The following FRMD4A variants were observed in gnomAD, a reference collection of about 807,000 sequenced individuals.
The protein encoded by FRMD4A is FERM domain containing 4A.
In FRMD4A, 29 loss-of-function variants were observed where a neutral mutation model predicts 129.1. The ratio of observed to expected loss-of-function variants is 0.22; its 90% CI spans 0.17 to 0.31. FRMD4A has a LOEUF of 0.31. Among genes scored for constraint, FRMD4A ranks in the 10% least tolerant of loss-of-function variants. The pLI is 1.00. For missense variants in FRMD4A, 1,272 were observed against 1,375.8 expected (o/e 0.92, Z 1.19); for synonymous variants, 634 against 571.6 (o/e 1.11, Z -1.56).
intron 17 of FRMD4A, 52 bp downstream of exon 17, chr10:13,670,354 G>A (rs2083415461): frequency 6.3e-7 from 1 of 1,589,116 alleles, no homozygotes. Context: ...CTGACCAATG[G>A]GAAAAACAAG....
chr10:13,867,748 AATATATAATATATAATATAATATG>A, intron 2 of FRMD4A, among the ~76,000 whole-genome samples: 2 of 25,240 alleles, frequency 7.9e-5, no homozygotes, highest in East Asian at 2.5e-3. Flanking sequence ...CATATAATAT[AATATATAATATATAATATAATATG>A]ATATATAATA....
chr10:13,698,404 C>A (rs2086443779), intron 14 of FRMD4A, among the ~76,000 whole-genome samples: 1 of 152,146 alleles, frequency 6.6e-6, no homozygotes, highest in African/African-American at 2.4e-5. Context: ...AGCTCTCTGT[C>A]CCAGCCCTGT....
chr10:13,648,702 C>T (rs939711063), intron 24 of FRMD4A: 1 of 152,188 alleles, frequency 6.6e-6, no homozygotes, highest in Non-Finnish European at 1.5e-5. Context: ...TCGGCTGGTA[C>T]ACGCTTTTGT....
intron 2 of FRMD4A, among the ~76,000 whole-genome samples, chr10:14,018,254 T>C (rs1213549341): frequency 3.3e-5 from 5 of 150,088 alleles, no homozygotes; most frequent in Non-Finnish European, 7.4e-5. Flanking sequence ...TAGACCATCC[T>C]GGCTAACATG....
chr10:13,658,156 A>AG (rs1589235605), intron 21 of FRMD4A, among the ~76,000 whole-genome samples: 8 of 148,860 alleles, frequency 5.4e-5, no homozygotes, highest in South Asian at 2.1e-4. Flanking sequence ...AAAAAAAAAA[A>AG]AGAAAACACA....
rs1354939996 is a variant in FRMD4A at position 14,330,826 on chromosome 10, G to A, written c.-311C>T. 2 of 398,704 alleles carry A rather than the reference G, an allele frequency of 5.0e-6. No individual in the cohort carries two copies. The highest frequency in any genetic ancestry group is 4.4e-5 in the Admixed American group (1 of 22,728). 24.7% of individuals were successfully genotyped at this position (398,704 alleles called of 1,614,324 possible). ...AAGTAGACTGGCCAGCTCAGCTCCC[G>A]GTAGGGCTAACATACTTAAGAGGAA... is the stretch of plus-strand genomic sequence containing the variant. On this transcript the variant is annotated 5_prime_UTR_variant, in exon 1 of 25. Coordinates refer to ENST00000357447, the MANE Select transcript of FRMD4A (RefSeq NM_018027.5).
intron 2 of FRMD4A, among the ~76,000 whole-genome samples, chr10:14,010,523 C>T (rs1438625721): frequency 1.3e-5 from 2 of 152,026 alleles, no homozygotes; most frequent in African/African-American, 4.8e-5. Context: ...GGAGCCCTCC[C>T]CAGTCCCCGC....
At chr10:14,160,527 T>G (rs1840830827) in intron 2 of FRMD4A, among the ~76,000 whole-genome samples, 1 of 152,158 alleles carries the variant, frequency 6.6e-6, no homozygotes, top group African/African-American at 2.4e-5. Flanking sequence ...AAAATGTTTG[T>G]AAACTATTCA....
chr10:13,774,249 G>T (rs953348505), intron 6 of FRMD4A, among the ~76,000 whole-genome samples: 2 of 152,198 alleles, frequency 1.3e-5, no homozygotes, highest in African/African-American at 2.4e-5. Context: ...ATTGTATAAA[G>T]TAGGGGGGTG....
At chr10:14,095,265 A>G (rs368368271) in intron 2 of FRMD4A, among the ~76,000 whole-genome samples, 1 of 152,156 alleles carries the variant, frequency 6.6e-6, no homozygotes, top group East Asian at 1.9e-4. Flanking sequence ...AGCTCTTCAG[A>G]GTAAATGTTT....
intron 2 of FRMD4A, among the ~76,000 whole-genome samples, chr10:14,112,840 T>C (rs964134481): frequency 6.6e-5 from 10 of 152,184 alleles, no homozygotes; most frequent in African/African-American, 2.2e-4. Context: ...GATTAAACTT[T>C]TTTTCTTTCC....
At chr10:13,943,153 T>C (rs930582493) in intron 2 of FRMD4A, among the ~76,000 whole-genome samples, 1 of 152,092 alleles carries the variant, frequency 6.6e-6, no homozygotes, top group African/African-American at 2.4e-5. Flanking sequence ...CGGCAAGATG[T>C]CCAGGACAAG....
chr10:14,042,465 C>T (rs1833816450), intron 2 of FRMD4A, among the ~76,000 whole-genome samples: 2 of 152,168 alleles, frequency 1.3e-5, no homozygotes, highest in South Asian at 2.1e-4. Context: ...GTTCAGTGTA[C>T]TCTTGTGGCA....
At position 13,865,289 on chromosome 10, in the gene FRMD4A, C is replaced by T. The variant is rs981359958; in HGVS notation, c.46-6377G>A. The stretch of plus-strand genomic sequence containing the variant: ...GGTACGAAGTATATACTCATCATAA[C>T]GTTAGCTGTTAATTATTATCAGTTG... On this transcript the variant is annotated intron_variant, in intron 2 of 24. Coordinates refer to ENST00000357447, the MANE Select transcript of FRMD4A (RefSeq NM_018027.5). 6.6e-5 allele frequency among the ~76,000 whole-genome samples: 10 copies of T among 152,038 alleles called. 1 individual carries two copies. The highest frequency in any genetic ancestry group is 1.3e-4 in the Admixed American group (2 of 15,260).
In FRMD4A at chr10:13,759,881, A is replaced by C; in HGVS notation, c.464+1766T>G. Among the ~76,000 whole-genome samples the C allele has an allele frequency of 1.3e-5, 2 of 152,052 alleles. 1 individual carries two copies. The highest frequency in any genetic ancestry group is 1.3e-4 in the Admixed American group (2 of 15,254). ...GAGAACTTAAATAAAAGGGGCCTGG[A>C]GGTCTCTTTATGCAAATATTCAAAC... On this transcript the variant is annotated intron_variant, in intron 8 of 24. Transcript: ENST00000357447.
Position 14,266,527 on chromosome 10 carries a change from G to A in FRMD4A, c.45+63531C>T, listed in dbSNP as rs376584228. ...TGTGTGTGTGTGTGTGTGTGTGTAT[G>A]TGTGTGGCTATGTAGGGTTGTTTCA... On this transcript the variant is annotated intron_variant, in intron 2 of 24. Transcript: ENST00000357447. Among the ~76,000 whole-genome samples the A allele has an allele frequency of 2.0e-5, 3 of 148,638 alleles. No individual in the cohort carries two copies. In the East Asian group the frequency reaches 5.8e-4, roughly 29 times the overall value.
In FRMD4A at chr10:13,761,714, T is replaced by C. The variant is rs145074752; in HGVS notation, c.442-45A>G. On this transcript the variant is annotated intron_variant, in intron 7 of 24. Transcript: ENST00000357447. ...ACATCAGCGAAATACACTAAGCCAA[T>C]GTTAGAGACTCTAAAGTACATTCTA... The C allele has an allele frequency of 4.6e-5, 62 of 1,352,952 alleles. 1 individual carries two copies. The African/African-American group carries it at 7.6e-4, about 17-fold the overall frequency. 83.8% of individuals were successfully genotyped at this position (1,352,952 alleles called of 1,614,324 possible). A position where few individuals can be genotyped will look rare whatever the true frequency, so the allele number is the denominator to read the frequency against.
intron 12 of FRMD4A, among the ~76,000 whole-genome samples, chr10:13,734,381 C>A (rs770181204): frequency 1.3e-5 from 2 of 152,122 alleles, no homozygotes; most frequent in Non-Finnish European, 2.9e-5. Flanking sequence ...AAATAGACCG[C>A]GGCTAACACT....
At chr10:13,963,850 A>C (rs995406002) in intron 2 of FRMD4A, among the ~76,000 whole-genome samples, 2 of 152,196 alleles carry the variant, frequency 1.3e-5, no homozygotes, top group African/African-American at 4.8e-5. Flanking sequence ...CCAGACAGCC[A>C]GTGTTAGAGC....
Sources: allele counts gnomAD v4.1 joint callset (sites outside exome capture counted in the v4.1 genomes callset), GRCh38; gene constraint gnomAD v4.1.1; transcripts MANE v1.5; gene names NCBI Gene and HGNC (gene_info 2026-07-23, HGNC 2026-07-21).